Variants in LRRC49 observed in about 807,000 individuals in gnomAD.
The protein encoded by LRRC49 is leucine rich repeat containing 49, also known as leucine-rich repeat-containing protein 49.
LRRC49 carries 50 observed loss-of-function variants against 83.3 expected under a neutral mutation model. That is an observed-to-expected ratio of 0.60 (90% confidence interval 0.48 to 0.76). The LOEUF is 0.76. LRRC49 is among the 30% of genes least tolerant of loss of function. The probability of loss-of-function intolerance (pLI) is 0.00; values close to 1 mark genes in which losing one functional copy is unlikely to be tolerated. For missense variants in LRRC49, 704 were observed against 809.1 expected, an observed-to-expected ratio of 0.87 and a Z score of 1.58; for synonymous variants, 286 against 283.3, an observed-to-expected ratio of 1.01 and a Z score of -0.10.
intron 14 of LRRC49, among the ~76,000 whole-genome samples, chr15:71,025,296 G>A (rs1433539201): frequency 6.6e-6 from 1 of 152,124 alleles, no homozygotes; most frequent in Non-Finnish European, 1.5e-5. Context: ...GGCAGCCAGA[G>A]AGAAAAGCCA....
At chr15:70,896,083 A>G in intron 3 of LRRC49, 147 bp downstream of exon 3, 2 of 581,564 alleles carry the variant, frequency 3.4e-6, no homozygotes, top group Non-Finnish European at 6.0e-6. Flanking sequence ...ATTTTTTTAA[A>G]TCATTGGTTA....
At chr15:70,861,171 A>C (rs1427625626) in intron 1 of LRRC49, among the ~76,000 whole-genome samples, 1 of 152,230 alleles carries the variant, frequency 6.6e-6, no homozygotes, top group Non-Finnish European at 1.5e-5. Context: ...AAAGTATTAG[A>C]TATTAATGCC....
chr15:70,974,742 C>G (rs1422794491), intron 9 of LRRC49, among the ~76,000 whole-genome samples: 2 of 146,338 alleles, frequency 1.4e-5, no homozygotes, highest in Non-Finnish European at 3.0e-5. Context: ...AAAAGAACAA[C>G]AAAGAAGGAT....
chr15:70,915,647 T>C (rs1007745291), intron 6 of LRRC49, among the ~76,000 whole-genome samples: 9 of 152,350 alleles, frequency 5.9e-5, no homozygotes, highest in South Asian at 2.1e-4. Flanking sequence ...ACAGTATCTA[T>C]TTTCCTTTTT....
intron 8 of LRRC49, among the ~76,000 whole-genome samples, chr15:70,945,716 TG>T (rs144681429): frequency 0.042 from 6,424 of 152,038 alleles, 170 homozygotes; most frequent in African/African-American, 0.083. Flanking sequence ...GCATTGGGCT[TG>T]GTTAAAAGAG....
At chr15:70,907,767 G>T in intron 5 of LRRC49, 1 of 354,980 alleles carries the variant, frequency 2.8e-6, no homozygotes, top group Non-Finnish European at 5.6e-6. Context: ...GAGGCCTCAG[G>T]TGATGGGTGA....
intron 11 of LRRC49, among the ~76,000 whole-genome samples, chr15:71,004,202 T>C (rs1283543839): frequency 6.6e-6 from 1 of 152,220 alleles, no homozygotes; most frequent in East Asian, 1.9e-4. Flanking sequence ...CATGTTTCAA[T>C]GTTCCTGCCC....
chr15:70,875,603 G>A (rs1025487008), intron 2 of LRRC49, among the ~76,000 whole-genome samples: 1 of 152,132 alleles, frequency 6.6e-6, no homozygotes, highest in Non-Finnish European at 1.5e-5. Flanking sequence ...ATCCTTTCCT[G>A]CCTCTAGCTA....
chr15:70,869,392 A>AT (rs1463777802), intron 1 of LRRC49, among the ~76,000 whole-genome samples: 2 of 152,148 alleles, frequency 1.3e-5, no homozygotes, highest in Non-Finnish European at 2.9e-5. Flanking sequence ...TTAGACTGCC[A>AT]TATTTAAACC....
intron 2 of LRRC49, among the ~76,000 whole-genome samples, chr15:70,874,406 TAGTA>T (rs748901858): frequency 2.0e-5 from 3 of 152,100 alleles, no homozygotes; most frequent in Non-Finnish European, 2.9e-5. Flanking sequence ...AGGATGTAAA[TAGTA>T]AGCCTGCTCC....
chr15:71,036,431 T>G (rs1015170745), intron 14 of LRRC49, among the ~76,000 whole-genome samples: 2 of 152,176 alleles, frequency 1.3e-5, no homozygotes, highest in African/African-American at 2.4e-5. Context: ...AAAATAAATG[T>G]TTAAAAAAGT....
intron 1 of LRRC49, among the ~76,000 whole-genome samples, chr15:70,869,064 A>G (rs1488014486): frequency 6.6e-6 from 1 of 152,224 alleles, no homozygotes; most frequent in Non-Finnish European, 1.5e-5. Flanking sequence ...TTATAATAAT[A>G]TCTCTACAGT....
At chr15:70,934,697 A>G (rs2035537349) in intron 7 of LRRC49, among the ~76,000 whole-genome samples, 2 of 152,320 alleles carry the variant, frequency 1.3e-5, no homozygotes, top group East Asian at 1.9e-4. Context: ...GGTGTTTATA[A>G]TCTCTGAAGA....
chr15:70,855,124 G>A (rs1263657384), intron 1 of LRRC49, among the ~76,000 whole-genome samples: 1 of 152,102 alleles, frequency 6.6e-6, no homozygotes, highest in Non-Finnish European at 1.5e-5. Flanking sequence ...ACGAGGTCAA[G>A]AGATCGAGAC....
chr15:70,984,147 AC>A lies in LRRC49; in HGVS notation c.1060del (p.Gln354AsnfsTer3). The part of the protein sequence containing the change: ...NVARQWDLQQ[Q>X]RVANIATNED... The stretch of plus-strand genomic sequence containing the variant: ...TAGCTCGACAGTGGGACTTGCAACA[AC>A]AACGAGTAGCCAATATTGCTACAAA... On this transcript the variant is annotated frameshift_variant, in exon 11 of 16. Coordinates refer to ENST00000260382, the MANE Select transcript of LRRC49 (RefSeq NM_017691.5). LOFTEE classifies it high-confidence loss of function. 2 of 1,613,010 alleles carry A rather than the reference AC, an allele frequency of 1.2e-6. No homozygotes were observed. The highest frequency in any genetic ancestry group is 1.7e-6 in the Non-Finnish European group (2 of 1,179,208).
intron 1 of LRRC49, among the ~76,000 whole-genome samples, chr15:70,869,614 A>G (rs1595969988): frequency 2.0e-5 from 3 of 152,216 alleles, no homozygotes; most frequent in Non-Finnish European, 4.4e-5. Flanking sequence ...CTGCTTTATC[A>G]GCGATTACTG....
intron 14 of LRRC49, among the ~76,000 whole-genome samples, chr15:71,025,081 C>G (rs554123621): frequency 6.6e-6 from 1 of 152,242 alleles, no homozygotes; most frequent in Admixed American, 6.5e-5. Context: ...ACTGGGGAAC[C>G]TGAAAGAGAC....
Position 71,008,553 on chromosome 15 carries a change from C to T in LRRC49, c.1344C>T (p.Phe448=), listed in dbSNP as rs778284782. 1.9e-6 allele frequency: 3 copies of T among 1,612,710 alleles called. No homozygotes were observed. The highest frequency in any genetic ancestry group is 1.7e-6 in the Non-Finnish European group (2 of 1,179,120). Residue 448 remains phenylalanine (F), a synonymous_variant, in exon 12 of 16, where the codon TTC becomes TTT. Coordinates refer to ENST00000260382, the MANE Select transcript of LRRC49 (RefSeq NM_017691.5). ...TGATCACAACAGTCTCCTTCACTTT[C>T]ATAGAATTTGATGAAATCGTCCAAG... The part of the protein sequence containing the change: ...AGMITTVSFT[F]IEFDEIVQVL...
intron 14 of LRRC49, among the ~76,000 whole-genome samples, chr15:71,019,759 AT>A (rs1174926752): frequency 6.6e-6 from 1 of 152,230 alleles, no homozygotes; most frequent in Admixed American, 6.5e-5. Flanking sequence ...TTCATAACAC[AT>A]AACTAGTTTA....
Sources: allele counts gnomAD v4.1 joint callset (sites outside exome capture counted in the v4.1 genomes callset), GRCh38; gene constraint gnomAD v4.1.1; transcripts MANE v1.5; gene names NCBI Gene and HGNC (gene_info 2026-07-23, HGNC 2026-07-21).